The following SLC39A11 variants were observed in gnomAD, a reference collection of about 807,000 sequenced individuals.
The protein encoded by SLC39A11 is zinc transporter ZIP11.
A neutral mutation model predicts 36.1 loss-of-function variants in SLC39A11; 33 were observed. The ratio of observed to expected loss-of-function variants is 0.91; its 90% CI spans 0.69 to 1.22. The LOEUF (loss-of-function observed/expected upper bound fraction) is 1.22, where lower values mean the gene tolerates loss of function less well. Ranked by LOEUF, SLC39A11 falls within the 50% of genes most tolerant of loss-of-function variation. The pLI is 0.00. For synonymous variants in SLC39A11, 166 were observed against 170.3 expected, an observed-to-expected ratio of 0.97 and a Z score of 0.20; for missense variants, 432 against 430.3, an observed-to-expected ratio of 1.00 and a Z score of -0.03.
intron 5 of SLC39A11, among the ~76,000 whole-genome samples, chr17:72,869,993 G>A (rs867066331): frequency 2.6e-5 from 4 of 151,556 alleles, no homozygotes; most frequent in Non-Finnish European, 4.4e-5. Context: ...GAATTAGATC[G>A]TATCCAGTTT....
chr17:72,980,370 A>C (rs1225130299), intron 4 of SLC39A11, among the ~76,000 whole-genome samples: 1 of 152,250 alleles, frequency 6.6e-6, no homozygotes, highest in Non-Finnish European at 1.5e-5. Context: ...CTTATGAAGA[A>C]AACTTAAAAT....
chr17:72,782,882 A>G (rs928079254), intron 6 of SLC39A11, among the ~76,000 whole-genome samples: 1 of 151,366 alleles, frequency 6.6e-6, no homozygotes, highest in African/African-American at 2.4e-5. Flanking sequence ...CCCACTTGCA[A>G]TGCTAGCTAC....
chr17:72,772,853 GTGGA>G (rs772238273), intron 6 of SLC39A11, among the ~76,000 whole-genome samples: 4 of 152,336 alleles, frequency 2.6e-5, no homozygotes, highest in South Asian at 2.1e-4. Flanking sequence ...GGAGGCCAAG[GTGGA>G]TGGATCACCT....
chr17:72,692,338 C>G (rs1310851558), intron 7 of SLC39A11, among the ~76,000 whole-genome samples: 1 of 152,154 alleles, frequency 6.6e-6, no homozygotes, highest in Non-Finnish European at 1.5e-5. Flanking sequence ...TTAAACTGCT[C>G]AAATCCTACA....
At chr17:72,996,416 A>G (rs918130159) in intron 4 of SLC39A11, among the ~76,000 whole-genome samples, 1 of 152,172 alleles carries the variant, frequency 6.6e-6, no homozygotes, top group African/African-American at 2.4e-5. Flanking sequence ...ACATAAATTT[A>G]TCCTCTAAGA....
chr17:72,994,260 G>A (rs1372240248), intron 4 of SLC39A11, among the ~76,000 whole-genome samples: 1 of 152,112 alleles, frequency 6.6e-6, no homozygotes, highest in Non-Finnish European at 1.5e-5. Context: ...ATTAACAAGA[G>A]CTATAGACAA....
At chr17:72,778,392 CA>C (rs1316424041) in intron 6 of SLC39A11, among the ~76,000 whole-genome samples, 2 of 152,250 alleles carry the variant, frequency 1.3e-5, no homozygotes, top group African/African-American at 4.8e-5. Flanking sequence ...CCGGCACAAT[CA>C]GGGGAGCCAG....
chr17:73,044,564 C>T (rs2059210054), intron 3 of SLC39A11, among the ~76,000 whole-genome samples: 1 of 152,090 alleles, frequency 6.6e-6, no homozygotes, highest in Admixed American at 6.6e-5. Flanking sequence ...GGAGCTCTTT[C>T]AGGGATGTTA....
intron 7 of SLC39A11, among the ~76,000 whole-genome samples, chr17:72,655,147 G>A (rs1250624114): frequency 6.6e-6 from 1 of 152,236 alleles, no homozygotes; most frequent in African/African-American, 2.4e-5. Context: ...TCCCCAGCAG[G>A]GGCTGGCACC....
chr17:72,847,962 G>A (rs992049803), intron 6 of SLC39A11, among the ~76,000 whole-genome samples: 7 of 152,158 alleles, frequency 4.6e-5, no homozygotes, highest in Non-Finnish European at 5.9e-5. Flanking sequence ...TGCTCCCTGG[G>A]GAAGATTATT....
rs1279085841 is a variant in SLC39A11 at position 72,646,973 on chromosome 17, A to G, written c.*611T>C. On this transcript the variant is annotated 3_prime_UTR_variant, in exon 10 of 10. Coordinates refer to ENST00000255559, the MANE Select transcript of SLC39A11 (RefSeq NM_139177.4). ...TAAAAAAAAAAAAAAAAAAAGCCAGACTAGCCAATTTCCTTCCCTTTTTCT... is the reference window on the plus strand; with the variant it reads ...TAAAAAAAAAAAAAAAAAAAGCCAGGCTAGCCAATTTCCTTCCCTTTTTCT... 1 of 149,142 alleles carries G rather than the reference A, an allele frequency of 6.7e-6. No individual in the cohort carries two copies. The highest frequency in any genetic ancestry group is 1.5e-5 in the Non-Finnish European group (1 of 67,484). 9.2% of individuals were successfully genotyped at this position (149,142 alleles called of 1,614,324 possible). A position where few individuals can be genotyped will look rare whatever the true frequency, so the allele number is the denominator to read the frequency against.
chr17:72,933,639 C>T (rs561296807), intron 5 of SLC39A11, among the ~76,000 whole-genome samples: 6 of 152,254 alleles, frequency 3.9e-5, no homozygotes, highest in South Asian at 4.2e-4. Flanking sequence ...CTAGCCTCAG[C>T]CTCCTAAGTA....
intron 6 of SLC39A11, among the ~76,000 whole-genome samples, chr17:72,755,660 T>C (rs556880873): frequency 6.6e-6 from 1 of 152,356 alleles, no homozygotes; most frequent in Admixed American, 6.5e-5. Context: ...AGGCCTTCTT[T>C]TAATTAATGT....
intron 6 of SLC39A11, among the ~76,000 whole-genome samples, chr17:72,842,835 C>CT: frequency 6.6e-6 from 1 of 152,310 alleles, no homozygotes; most frequent in South Asian, 2.1e-4. Context: ...TTTTAGTGCT[C>CT]TTTTTACTGC....
chr17:73,007,896 A>G (rs1016371193), intron 4 of SLC39A11, among the ~76,000 whole-genome samples: 1 of 152,178 alleles, frequency 6.6e-6, no homozygotes, highest in African/African-American at 2.4e-5. Flanking sequence ...TGAGGTCAGG[A>G]GTTCGAGACC....
chr17:72,719,572 G>A (rs544845332), intron 7 of SLC39A11, among the ~76,000 whole-genome samples: 7 of 152,310 alleles, frequency 4.6e-5, no homozygotes, highest in Admixed American at 3.9e-4. Context: ...TCCCCAAGTC[G>A]CTTGTAACAA....
At chr17:72,827,286 G>C (rs995603905) in intron 6 of SLC39A11, among the ~76,000 whole-genome samples, 5 of 152,214 alleles carry the variant, frequency 3.3e-5, no homozygotes, top group African/African-American at 9.6e-5. Flanking sequence ...GTTCAGAATA[G>C]CCAAATTCAT....
At chr17:72,739,652 C>T (rs2074587409) in intron 6 of SLC39A11, among the ~76,000 whole-genome samples, 1 of 152,154 alleles carries the variant, frequency 6.6e-6, no homozygotes, top group Admixed American at 6.5e-5. Flanking sequence ...GGCCTCTCAG[C>T]GTGCACGTGC....
At chr17:72,778,676 C>T (rs146667239) in intron 6 of SLC39A11, among the ~76,000 whole-genome samples, 3 of 152,336 alleles carry the variant, frequency 2.0e-5, no homozygotes, top group Non-Finnish European at 4.4e-5. Flanking sequence ...ACGGTAGTGG[C>T]GTCTCTATGG....
Sources: allele counts gnomAD v4.1 joint callset (sites outside exome capture counted in the v4.1 genomes callset), GRCh38; gene constraint gnomAD v4.1.1; transcripts MANE v1.5; gene names NCBI Gene and HGNC (gene_info 2026-07-23, HGNC 2026-07-21).